DGKH: variants seen among roughly 807,000 people sequenced by gnomAD.
DGKH encodes DAG kinase eta.
In DGKH, 90 loss-of-function variants were observed where a neutral mutation model predicts 159.3. The observed-to-expected ratio is 0.57, with a 90% CI of 0.48 to 0.67. DGKH has a LOEUF of 0.67. DGKH is among the 30% of genes least tolerant of loss of function. The probability of loss-of-function intolerance (pLI) is 0.00; values close to 1 mark genes in which losing one functional copy is unlikely to be tolerated. For synonymous variants in DGKH, 536 were observed against 553.8 expected (o/e 0.97, Z 0.45); for missense variants, 1,181 against 1,506.1 (o/e 0.78, Z 3.57).
At chr13:42,045,913 G>A (rs187824103), upstream of DGKH, among the ~76,000 whole-genome samples, 32 of 152,292 alleles carry the variant, frequency 2.1e-4, no homozygotes, top group African/African-American at 7.2e-4. Flanking sequence ...AATAATACAC[G>A]AATATTCATA....
chr13:42,220,742 C>T (rs1267282397), intron 28 of DGKH, among the ~76,000 whole-genome samples: 1 of 152,112 alleles, frequency 6.6e-6, no homozygotes, highest in Admixed American at 6.5e-5. Context: ...GATTTAATAG[C>T]ACATTGATTG....
At chr13:42,249,241 G>C (rs557611143) in intron 29 of DGKH, among the ~76,000 whole-genome samples, 12 of 152,184 alleles carry the variant, frequency 7.9e-5, no homozygotes, top group African/African-American at 2.9e-4. Context: ...CTGCTTGGTG[G>C]CGCATGCCTG....
chr13:42,060,521 T>C (rs1158643254), intron 1 of DGKH, among the ~76,000 whole-genome samples: 1 of 152,220 alleles, frequency 6.6e-6, no homozygotes, highest in African/African-American at 2.4e-5. Context: ...CAAATTTTGC[T>C]CCACAGCTTT....
In DGKH at chr13:42,165,409, G is replaced by A; in HGVS notation, c.934G>A (p.Ala312Thr). The A allele has an allele frequency of 6.3e-7, 1 of 1,576,006 alleles. No homozygotes were observed. The highest frequency in any genetic ancestry group is 1.4e-5 in the African/African-American group (1 of 72,984). The change falls in exon 8 of 30, where the codon GCA becomes ACA. Residue 312 changes from alanine to threonine, a missense_variant. By Grantham distance (58) the Ala-to-Thr change is moderately conservative (BLOSUM62 0). This residue lies in a region of DGKH where 369 missense variants were observed against 519.4 expected (regional missense o/e 0.71). Coordinates refer to ENST00000337343, the MANE Select transcript of DGKH (RefSeq NM_178009.5). ...TAAAGTATCTATCATACCTCCAATT[G>A]CACTAAACAGCACCGATTCCGATGG... ...QCKVSIIPPIALNSTDSDGFC... is the reference protein window; with the variant it reads ...QCKVSIIPPITLNSTDSDGFC...
chr13:42,098,839 A>G (rs1350992022), intron 1 of DGKH, among the ~76,000 whole-genome samples: 1 of 152,252 alleles, frequency 6.6e-6, no homozygotes, highest in East Asian at 1.9e-4. Context: ...GCACTTCCGA[A>G]TTACTCTCAG....
chr13:42,217,380 C>T (rs1957827149), intron 26 of DGKH, among the ~76,000 whole-genome samples: 1 of 152,072 alleles, frequency 6.6e-6, no homozygotes, highest in South Asian at 2.1e-4. Context: ...GCTGGGACTA[C>T]AATCGCGCAC....
chr13:42,255,055 C>T (rs1455497721), intron 30 of DGKH, among the ~76,000 whole-genome samples: 3 of 150,378 alleles, frequency 2.0e-5, no homozygotes, highest in Non-Finnish European at 4.4e-5. Flanking sequence ...ATTATTTTTG[C>T]GTGTTTCTTT....
At chr13:42,115,109 G>A (rs1954940327) in intron 1 of DGKH, among the ~76,000 whole-genome samples, 1 of 152,246 alleles carries the variant, frequency 6.6e-6, no homozygotes. Flanking sequence ...GGAGGCGGAA[G>A]TGGAACCCAG....
chr13:42,244,009 T>C (rs1305587753), downstream of DGKH, among the ~76,000 whole-genome samples: 1 of 152,118 alleles, frequency 6.6e-6, no homozygotes, highest in Non-Finnish European at 1.5e-5. Context: ...TCAGAAATAC[T>C]CAGGTGTAAA....
intron 16 of DGKH, among the ~76,000 whole-genome samples, chr13:42,194,245 T>A (rs1173513428): frequency 2.6e-5 from 4 of 152,178 alleles, no homozygotes; most frequent in Non-Finnish European, 5.9e-5. Flanking sequence ...GCTCACGTGA[T>A]CCTCCAGCCT....
chr13:42,221,022 G>A, intron 28 of DGKH: 1 of 358,386 alleles, frequency 2.8e-6, no homozygotes, highest in Non-Finnish European at 5.0e-6. Flanking sequence ...TGAGGAAACT[G>A]GACTAAAGCT....
rs114977681 is a variant in DGKH, at chr13:42,122,428, T to A, written c.193-5035T>A. On this transcript the variant is annotated intron_variant, in intron 1 of 29. Transcript: ENST00000337343. ...TGCAGAGTCCCAAGGTTACACAGAG[T>A]ATCACATGGCAAGGGGGCTGAGCAT... Among the ~76,000 whole-genome samples the A allele has an allele frequency of 9.7e-3, 1,473 of 152,208 alleles. 19 individuals carry two copies. Among genetic ancestry groups the A allele is most frequent in the African/African-American group, 0.034 (1,410 of 41,508 alleles).
At chr13:42,206,578 C>T (rs1369304383) in intron 21 of DGKH, among the ~76,000 whole-genome samples, 6 of 152,186 alleles carry the variant, frequency 3.9e-5, no homozygotes, top group Non-Finnish European at 1.5e-5. Context: ...CTGGCACAGT[C>T]TTACTGGGCT....
intron 1 of DGKH, among the ~76,000 whole-genome samples, chr13:42,080,329 G>T (rs569545386): frequency 3.5e-4 from 54 of 152,232 alleles, no homozygotes; most frequent in African/African-American, 1.3e-3. Flanking sequence ...GCTGAGTTTC[G>T]TACCATATAG....
chr13:42,045,355 T>C (rs1329158585), upstream of DGKH, among the ~76,000 whole-genome samples: 1 of 152,198 alleles, frequency 6.6e-6, no homozygotes, highest in Non-Finnish European at 1.5e-5. Flanking sequence ...AATGGTTTTA[T>C]ACTAGTTAGC....
intron 2 of DGKH, among the ~76,000 whole-genome samples, chr13:42,128,428 C>T (rs1248220335): frequency 6.6e-6 from 1 of 152,074 alleles, no homozygotes; most frequent in African/African-American, 2.4e-5. Flanking sequence ...GTAAAATAAT[C>T]TTATTTTACA....
intron 3 of DGKH, among the ~76,000 whole-genome samples, chr13:42,151,477 TG>T (rs1165426716): frequency 1.5e-5 from 1 of 65,364 alleles, no homozygotes; most frequent in Non-Finnish European, 3.2e-5. Context: ...TAGTATTCCA[TG>T]GTGTGTGTGT....
chr13:42,058,998 C>T (rs766849629), intron 1 of DGKH, among the ~76,000 whole-genome samples: 4 of 152,208 alleles, frequency 2.6e-5, no homozygotes, highest in African/African-American at 7.2e-5. Flanking sequence ...AGTTAGCATA[C>T]CCTGAGCAAT....
At chr13:42,126,728 T>C (rs1955178282) in intron 1 of DGKH, among the ~76,000 whole-genome samples, 1 of 152,146 alleles carries the variant, frequency 6.6e-6, no homozygotes, top group South Asian at 2.1e-4. Context: ...CTTTCTACTT[T>C]TGCACACACC....
Sources: allele counts gnomAD v4.1 joint callset (sites outside exome capture counted in the v4.1 genomes callset), GRCh38; gene constraint gnomAD v4.1.1; regional missense constraint gnomAD v4.1.1; transcripts MANE v1.5; gene names NCBI Gene and HGNC (gene_info 2026-07-23, HGNC 2026-07-21).